WDR72: variants seen among roughly 807,000 people sequenced by gnomAD.
WDR72 encodes the protein WD repeat domain 72.
WDR72 carries 120 observed loss-of-function variants against 124.2 expected under a neutral mutation model. The ratio of observed to expected loss-of-function variants is 0.97; its 90% CI spans 0.83 to 1.12. The LOEUF is 1.12. WDR72 is among the 50% of genes most tolerant of loss of function. The pLI, the probability that WDR72 is intolerant of heterozygous loss-of-function variation, is 0.00. For missense variants in WDR72, 1,387 were observed against 1,278.8 expected, an observed-to-expected ratio of 1.08 and a Z score of -1.29; for synonymous variants, 452 against 441.7, an observed-to-expected ratio of 1.02 and a Z score of -0.29.
At chr15:53,682,587 A>C (rs557297151) in intron 13 of WDR72, among the ~76,000 whole-genome samples, 1 of 152,122 alleles carries the variant, frequency 6.6e-6, no homozygotes, top group East Asian at 1.9e-4. Context: ...TCACCTCTTG[A>C]ATGCTTAAAA....
chr15:53,676,403 G>A (rs1373163481), intron 13 of WDR72, among the ~76,000 whole-genome samples: 3 of 152,190 alleles, frequency 2.0e-5, no homozygotes, highest in African/African-American at 4.8e-5. Context: ...TTTGATGAGC[G>A]CTTTGAATGC....
At chr15:53,725,790 G>C (rs1435230151) in intron 2 of WDR72, among the ~76,000 whole-genome samples, 3 of 152,188 alleles carry the variant, frequency 2.0e-5, no homozygotes, top group African/African-American at 4.8e-5. Context: ...TCAGGGGTTT[G>C]TGGGGAGCAG....
intron 14 of WDR72, among the ~76,000 whole-genome samples, chr15:53,627,925 C>T (rs1180238780): frequency 6.6e-6 from 1 of 152,150 alleles, no homozygotes; most frequent in African/African-American, 2.4e-5. Flanking sequence ...AATAGTTCTC[C>T]ACTCAGCTAA....
intron 2 of WDR72, among the ~76,000 whole-genome samples, chr15:53,726,285 T>TATATAC (rs1228132828): frequency 2.6e-4 from 30 of 115,464 alleles, no homozygotes; most frequent in South Asian, 1.2e-3. Context: ...TATATATATA[T>TATATAC]ACACACACAC....
chr15:53,666,159 G>C (rs910222311), intron 13 of WDR72, among the ~76,000 whole-genome samples: 1 of 152,168 alleles, frequency 6.6e-6, no homozygotes, highest in African/African-American at 2.4e-5. Context: ...CTTTGCCTGG[G>C]TTTCCAGGCT....
At chr15:53,557,229 A>G (rs1411864208) in intron 18 of WDR72, among the ~76,000 whole-genome samples, 1 of 152,108 alleles carries the variant, frequency 6.6e-6, no homozygotes, top group Non-Finnish European at 1.5e-5. Context: ...TTAGCTTTCT[A>G]AGGTTAGGAA....
chr15:53,584,666 GTCTC>G (rs1398810588), intron 18 of WDR72, among the ~76,000 whole-genome samples: 1 of 151,776 alleles, frequency 6.6e-6, no homozygotes, highest in East Asian at 1.9e-4. Context: ...AATTTTAATG[GTCTC>G]TCTCTTTCAG....
chr15:53,573,012 A>G (rs567996227), intron 18 of WDR72, among the ~76,000 whole-genome samples: 1 of 152,306 alleles, frequency 6.6e-6, no homozygotes, highest in African/African-American at 2.4e-5. Context: ...TTGGGTTGGG[A>G]GGAGGTAGAG....
At chr15:53,660,260 G>A (rs2015565541) in intron 14 of WDR72, among the ~76,000 whole-genome samples, 1 of 151,770 alleles carries the variant, frequency 6.6e-6, no homozygotes, top group Admixed American at 6.6e-5. Context: ...AATAAAGATA[G>A]TTTAATAAAA....
chr15:53,557,376 A>C (rs574183821), intron 18 of WDR72, among the ~76,000 whole-genome samples: 21 of 152,108 alleles, frequency 1.4e-4, no homozygotes, highest in South Asian at 4.1e-4. Context: ...CAAAGTGAGG[A>C]GCACCAAATG....
intron 13 of WDR72, among the ~76,000 whole-genome samples, chr15:53,678,983 G>T (rs1367253729): frequency 1.3e-5 from 2 of 152,152 alleles, no homozygotes; most frequent in Non-Finnish European, 2.9e-5. Context: ...CTTAAAAAAG[G>T]AAATTCTGAC....
intron 18 of WDR72, among the ~76,000 whole-genome samples, chr15:53,593,757 G>A (rs1220654936): frequency 2.7e-5 from 4 of 150,764 alleles, no homozygotes; most frequent in Non-Finnish European, 5.9e-5. Flanking sequence ...GTGAGGCACT[G>A]TGTCAAAAAG....
chr15:53,550,971 T>C (rs574789591), intron 18 of WDR72, among the ~76,000 whole-genome samples: 1 of 152,120 alleles, frequency 6.6e-6, no homozygotes, highest in South Asian at 2.1e-4. Context: ...AAATTCACAG[T>C]TTGTCATGAG....
intron 3 of WDR72, among the ~76,000 whole-genome samples, chr15:53,721,175 G>C (rs1036751313): frequency 2.0e-5 from 3 of 152,132 alleles, no homozygotes; most frequent in Non-Finnish European, 2.9e-5. Flanking sequence ...GGTGAAGGAG[G>C]ACAGCTAGGT....
At position 53,516,061 on chromosome 15, in the gene WDR72, T is replaced by C. The variant is rs372180213; in HGVS notation, c.*1638A>G. 1 of 152,130 alleles carries C rather than the reference T, an allele frequency of 6.6e-6. No individual in the cohort carries two copies. The highest frequency in any genetic ancestry group is 2.4e-5 in the African/African-American group (1 of 41,456). The allele number at this position is 152,130 out of a possible 1,614,324, so 9.4% of individuals were successfully genotyped here. On this transcript the variant is annotated 3_prime_UTR_variant, in exon 20 of 20. Coordinates refer to ENST00000360509, the MANE Select transcript of WDR72 (RefSeq NM_182758.4). ...GCCTAACTTGCTACCTTCCTTTATT[T>C]TGAAACTTGTTTGAAGTGGCTTTTG...
chr15:53,610,594 A>AAAGAC, intron 16 of WDR72, among the ~76,000 whole-genome samples: 1 of 151,932 alleles, frequency 6.6e-6, no homozygotes, highest in Non-Finnish European at 1.5e-5. Flanking sequence ...ATATGAATAT[A>AAAGAC]TATTTACCAC....
chr15:53,523,233 C>A lies in WDR72; in HGVS notation c.3238G>T (p.Glu1080Ter). ...TGGCTTTCACCTGGACTCTCAGACT[C>A]TTCCAAGGCACATCTGTCAGGCATG... ...EDMPDRCALE[E>*]SESPGEPRHH... The change falls in exon 19 of 20, where the codon GAG (glutamate) becomes TAG (stop). Residue 1080 changes from glutamate (E) to a stop codon, truncating the protein, a stop_gained. Transcript: ENST00000360509. LOFTEE classifies it high-confidence loss of function. 6.2e-7 allele frequency: 1 copy of A among 1,613,096 alleles called. No homozygotes were observed. The highest frequency in any genetic ancestry group is 1.3e-5 in the African/African-American group (1 of 74,958).
intron 13 of WDR72, among the ~76,000 whole-genome samples, chr15:53,683,718 A>G (rs2016484888): frequency 6.7e-6 from 1 of 148,212 alleles, no homozygotes; most frequent in Non-Finnish European, 1.5e-5. Flanking sequence ...ACCACACAGG[A>G]GAGAGAGAAA....
At position 53,516,862 on chromosome 15, in the gene WDR72, T is replaced by C. The variant is rs1891489683; in HGVS notation, c.*837A>G. The C allele has an allele frequency of 6.6e-6, 1 of 152,078 alleles. No homozygotes were observed. Among genetic ancestry groups the C allele is most frequent in the Non-Finnish European group, 1.5e-5 (1 of 67,958 alleles). The allele number at this position is 152,078 out of a possible 1,614,324, so 9.4% of individuals were successfully genotyped here. ...TAGAAGAGCACTTTATGTCTATTCC[T>C]ATTTATGCTGTTTGATATATTTCAG... On this transcript the variant is annotated 3_prime_UTR_variant, in exon 20 of 20. Transcript: ENST00000360509.
Sources: allele counts gnomAD v4.1 joint callset (sites outside exome capture counted in the v4.1 genomes callset), GRCh38; gene constraint gnomAD v4.1.1; transcripts MANE v1.5; gene names NCBI Gene and HGNC (gene_info 2026-07-23, HGNC 2026-07-21).